IQCK: variants seen among roughly 807,000 people sequenced by gnomAD.
The protein encoded by IQCK is IQ domain-containing protein K.
IQCK carries 29 observed loss-of-function variants against 28.1 expected under a neutral mutation model. That is an observed-to-expected ratio of 1.03 (90% confidence interval 0.77 to 1.41). IQCK has a LOEUF of 1.41. Ranked by LOEUF, IQCK falls within the 40% of genes most tolerant of loss-of-function variation. The pLI, the probability that IQCK is intolerant of heterozygous loss-of-function variation, is 0.00. For missense variants in IQCK, 359 were observed against 314.7 expected (o/e 1.14, Z -1.07); for synonymous variants, 113 against 115.1 (o/e 0.98, Z 0.12).
At chr16:19,726,106 G>A (rs1267924947) in intron 1 of IQCK, among the ~76,000 whole-genome samples, 3 of 151,880 alleles carry the variant, frequency 2.0e-5, no homozygotes, top group African/African-American at 4.8e-5. Context: ...AGTAGAGACG[G>A]GGTTTCATCG....
chr16:19,738,408 A>AC (rs921040101), intron 4 of IQCK, among the ~76,000 whole-genome samples: 55 of 150,988 alleles, frequency 3.6e-4, no homozygotes, highest in Middle Eastern at 3.4e-3. Flanking sequence ...ACACAGTCTG[A>AC]CCCCCCCCAC....
At chr16:19,762,891 C>A (rs949408288) in intron 4 of IQCK, among the ~76,000 whole-genome samples, 2 of 152,088 alleles carry the variant, frequency 1.3e-5, no homozygotes, top group Non-Finnish European at 2.9e-5. Context: ...TGGTGTGTGC[C>A]TGTAGTCTTG....
chr16:19,776,598 A>T (rs935013546), intron 6 of IQCK, among the ~76,000 whole-genome samples: 1 of 152,176 alleles, frequency 6.6e-6, no homozygotes, highest in Admixed American at 6.5e-5. Flanking sequence ...TACGCCAGCT[A>T]CTTGGGAGGC....
chr16:19,791,394 A>G (rs547558637), intron 7 of IQCK, among the ~76,000 whole-genome samples: 3 of 108,862 alleles, frequency 2.8e-5, no homozygotes, highest in Non-Finnish European at 4.8e-5. Context: ...TTGGTGACAG[A>G]GTGAGACTCT....
chr16:19,847,483 G>A (rs1292170144), intron 9 of IQCK, among the ~76,000 whole-genome samples: 1 of 152,152 alleles, frequency 6.6e-6, no homozygotes, highest in African/African-American at 2.4e-5. Flanking sequence ...CATGCCCCAC[G>A]CGGTGTCCCC....
downstream of IQCK, among the ~76,000 whole-genome samples, chr16:19,831,375 C>T (rs572352357): frequency 1.3e-5 from 2 of 152,314 alleles, no homozygotes; most frequent in African/African-American, 4.8e-5. Flanking sequence ...ACCTGCTGCA[C>T]ACCAGGTGAA....
intron 3 of IQCK, among the ~76,000 whole-genome samples, chr16:19,734,479 A>AG (rs1555514170): frequency 0.14 from 20,609 of 142,506 alleles, 1,839 homozygotes; most frequent in South Asian, 0.24. Flanking sequence ...AAAAAAAAAA[A>AG]TTATCCAGGC....
chr16:19,848,519 A>C (rs1049176054), intron 9 of IQCK, among the ~76,000 whole-genome samples: 3 of 152,196 alleles, frequency 2.0e-5, no homozygotes, highest in Non-Finnish European at 4.4e-5. Context: ...AAAGATGCTA[A>C]ATGAACTACT....
At chr16:19,722,015 C>G (rs1427361767) in intron 1 of IQCK, among the ~76,000 whole-genome samples, 1 of 152,224 alleles carries the variant, frequency 6.6e-6, no homozygotes, top group African/African-American at 2.4e-5. Flanking sequence ...ATTTCACCTG[C>G]CAGATACCGA....
At chr16:19,849,521 G>A (rs1375944468) in intron 9 of IQCK, among the ~76,000 whole-genome samples, 5 of 151,866 alleles carry the variant, frequency 3.3e-5, no homozygotes, top group Non-Finnish European at 7.4e-5. Flanking sequence ...CAGCGCTTTG[G>A]GAGGCCAAGA....
intron 4 of IQCK, among the ~76,000 whole-genome samples, chr16:19,756,531 C>T (rs1315878144): frequency 1.3e-5 from 2 of 152,092 alleles, no homozygotes. Context: ...ATGGTAGAGC[C>T]TTTGGGAGGT....
intron 4 of IQCK, among the ~76,000 whole-genome samples, chr16:19,737,393 A>G (rs1020456039): frequency 3.3e-5 from 5 of 152,130 alleles, no homozygotes; most frequent in African/African-American, 1.2e-4. Flanking sequence ...TTTCCTCAGC[A>G]ATGCCTTCAC....
intron 9 of IQCK, among the ~76,000 whole-genome samples, chr16:19,853,565 C>T (rs1289284366): frequency 2.6e-5 from 4 of 152,162 alleles, no homozygotes; most frequent in Non-Finnish European, 5.9e-5. Context: ...GGGAATTCTC[C>T]CAGAAGCCAG....
chr16:19,718,648 C>T (rs777136446), intron 1 of IQCK, among the ~76,000 whole-genome samples, 161 bp downstream of exon 1: 1 of 152,222 alleles, frequency 6.6e-6, no homozygotes, highest in African/African-American at 2.4e-5. Context: ...GAAACTGAGG[C>T]TCGGAGAGGC....
chr16:19,733,024 A>G (rs893126056), intron 2 of IQCK, among the ~76,000 whole-genome samples: 4 of 152,204 alleles, frequency 2.6e-5, no homozygotes, highest in South Asian at 2.1e-4. Context: ...CACCCTGTGC[A>G]GTGCCTGTCA....
exon 10 of IQCK, chr16:19,858,465 G>A (rs750076408): frequency 3.0e-6 from 2 of 677,220 alleles, no homozygotes; most frequent in Admixed American, 2.1e-5. Context: ...CTTAGAAAAC[G>A]AACGTGTGAA....
At chr16:19,739,159 G>A (rs2054798727) in intron 4 of IQCK, among the ~76,000 whole-genome samples, 1 of 152,182 alleles carries the variant, frequency 6.6e-6, no homozygotes, top group Non-Finnish European at 1.5e-5. Context: ...AACTGGGGGT[G>A]GGGGCTTCAC....
chr16:19,730,715 G>A (rs937731881), intron 2 of IQCK, among the ~76,000 whole-genome samples: 16 of 150,332 alleles, frequency 1.1e-4, no homozygotes, highest in African/African-American at 2.5e-4. Context: ...GCGTTTGTCT[G>A]TCTATCTATC....
intron 7 of IQCK, among the ~76,000 whole-genome samples, chr16:19,809,247 G>A (rs943525782): frequency 6.6e-6 from 1 of 152,214 alleles, no homozygotes; most frequent in African/African-American, 2.4e-5. Flanking sequence ...CTTCTGCTGA[G>A]TAACAAACCA....
Sources: allele counts gnomAD v4.1 joint callset (sites outside exome capture counted in the v4.1 genomes callset), GRCh38; gene constraint gnomAD v4.1.1; transcripts MANE v1.5; gene names NCBI Gene and HGNC (gene_info 2026-07-23, HGNC 2026-07-21).